MYT1L: variants seen among roughly 807,000 people sequenced by gnomAD.
The protein encoded by MYT1L is myelin transcription factor 1 like, also known as myelin transcription factor 1-like protein.
A neutral mutation model predicts 126.7 loss-of-function variants in MYT1L; 12 were observed. That is an observed-to-expected ratio of 0.09 (90% CI 0.06 to 0.15). The LOEUF (loss-of-function observed/expected upper bound fraction) is 0.15, where lower values mean the gene tolerates loss of function less well. Among genes scored for constraint, MYT1L ranks in the 10% least tolerant of loss-of-function variants. The pLI is 1.00. For synonymous variants in MYT1L, 541 were observed against 604.2 expected, an observed-to-expected ratio of 0.90 and a Z score of 1.53; for missense variants, 979 against 1,585.2, an observed-to-expected ratio of 0.62 and a Z score of 6.49.
intron 19 of MYT1L, among the ~76,000 whole-genome samples, chr2:1,850,599 G>A (rs538982933): frequency 3.3e-5 from 5 of 152,202 alleles, no homozygotes; most frequent in African/African-American, 1.2e-4. Flanking sequence ...GCTCCTCTGG[G>A]TCCTTTACTA....
chr2:2,300,843 A>G (rs927223174), intron 1 of MYT1L, among the ~76,000 whole-genome samples: 1 of 152,180 alleles, frequency 6.6e-6, no homozygotes, highest in Non-Finnish European at 1.5e-5. Flanking sequence ...ACATCAGAGC[A>G]GAGATCAAGA....
chr2:2,143,399 T>A (rs2084344626), intron 3 of MYT1L, among the ~76,000 whole-genome samples: 1 of 151,354 alleles, frequency 6.6e-6, no homozygotes, highest in Non-Finnish European at 1.5e-5. Context: ...GCCGAGGTGG[T>A]CGGTCACTCT....
chr2:2,000,306 C>T (rs982101448), intron 4 of MYT1L, among the ~76,000 whole-genome samples: 6 of 152,138 alleles, frequency 3.9e-5, no homozygotes, highest in Non-Finnish European at 7.3e-5. Flanking sequence ...AAGAACCTAC[C>T]AAAATCCCCC....
chr2:2,087,099 C>T (rs1018506531), intron 3 of MYT1L, among the ~76,000 whole-genome samples: 2 of 152,154 alleles, frequency 1.3e-5, no homozygotes, highest in Non-Finnish European at 2.9e-5. Flanking sequence ...GGATTCCACA[C>T]GTAACTCCCC....
At chr2:1,902,313 G>C (rs2050453154) in intron 14 of MYT1L, among the ~76,000 whole-genome samples, 1 of 152,216 alleles carries the variant, frequency 6.6e-6, no homozygotes, top group Non-Finnish European at 1.5e-5. Context: ...TGTGTTTGTT[G>C]CATGAGCTCT....
At chr2:2,188,913 T>A (rs1302269556) in intron 2 of MYT1L, among the ~76,000 whole-genome samples, 2 of 151,940 alleles carry the variant, frequency 1.3e-5, no homozygotes, top group Non-Finnish European at 2.9e-5. Flanking sequence ...CTAGGATAGA[T>A]GGTTGCTGAA....
At chr2:1,862,925 G>T (rs898688250) in intron 18 of MYT1L, among the ~76,000 whole-genome samples, 1 of 152,090 alleles carries the variant, frequency 6.6e-6, no homozygotes, top group African/African-American at 2.4e-5. Context: ...GAGGAGAGGA[G>T]GAGCTGCTGC....
chr2:2,185,867 C>T (rs1247460697), intron 2 of MYT1L, among the ~76,000 whole-genome samples: 4 of 123,180 alleles, frequency 3.2e-5, no homozygotes, highest in Non-Finnish European at 5.0e-5. Context: ...TCCCAGACGC[C>T]CGCGTTCCTT....
chr2:2,224,820 AAAG>A lies in MYT1L; in HGVS notation c.-420-51835_-420-51833del, dbSNP rs2093967065. ...GGCAACAGAGCAAGACTCCGTCTCAAAAGAAAAAAAAAAAAAGGAAAATAAATG... is the reference window on the plus strand; with the variant it reads ...GGCAACAGAGCAAGACTCCGTCTCAAAAAAAAAAAAAAAGGAAAATAAATG... On this transcript the variant is annotated intron_variant, in intron 2 of 24. Coordinates refer to ENST00000647738, the MANE Select transcript of MYT1L (RefSeq NM_001303052.2). This position sits in a 1 kb window ranked among gnomAD's most constrained non-coding sequence, Gnocchi z 4.0. Among the ~76,000 whole-genome samples, 1 of 71,944 alleles carries A rather than the reference AAAG, an allele frequency of 1.4e-5. No individual in the cohort carries two copies. Among genetic ancestry groups the A allele is most frequent in the East Asian group, 5.0e-4 (1 of 1,992 alleles). 47.2% of individuals were successfully genotyped at this position (71,944 alleles called of 152,430 possible).
chr2:1,851,581 T>C lies in MYT1L; in HGVS notation c.2774+60A>G, dbSNP rs376827066. ...AAGGCTTGGAGCCTGACGTGAGTGA[T>C]ATTCCTGCCATTTCAGTGAGAAAGA... On this transcript the variant is annotated intron_variant, in intron 19 of 24. Transcript: ENST00000647738. 2.3e-4 allele frequency: 351 copies of C among 1,513,560 alleles called. 2 individuals are homozygous for C. In the East Asian group the frequency reaches 5.6e-3, roughly 24 times the overall value. The allele number at this position is 1,513,560 out of a possible 1,614,324, so 93.8% of individuals were successfully genotyped here.
chr2:1,824,744 G>A (rs1026378886), intron 21 of MYT1L: 2 of 151,460 alleles, frequency 1.3e-5, no homozygotes, highest in Non-Finnish European at 2.9e-5. Flanking sequence ...AGAGGAGAGA[G>A]AGGGGGAGGA....
chr2:2,299,715 G>A (rs2095754705), intron 1 of MYT1L, among the ~76,000 whole-genome samples: 1 of 152,180 alleles, frequency 6.6e-6, no homozygotes, highest in South Asian at 2.1e-4. Flanking sequence ...GCTCTGCTTA[G>A]TGCTGACTGA....
chr2:2,298,041 T>C (rs1357206240), intron 1 of MYT1L, among the ~76,000 whole-genome samples: 3 of 152,200 alleles, frequency 2.0e-5, no homozygotes, highest in Non-Finnish European at 4.4e-5. Context: ...AAAATACCCT[T>C]AACTTGCTCA....
chr2:2,230,442 C>G (rs570900452), intron 2 of MYT1L, among the ~76,000 whole-genome samples: 1 of 152,298 alleles, frequency 6.6e-6, no homozygotes, highest in African/African-American at 2.4e-5. Context: ...TTGACCAGCT[C>G]AATTCAGGAT....
chr2:1,803,702 G>A (rs571312890), intron 22 of MYT1L, among the ~76,000 whole-genome samples: 16 of 152,310 alleles, frequency 1.1e-4, no homozygotes, highest in African/African-American at 3.1e-4. Flanking sequence ...GCCCTTTGTG[G>A]GAGCCTGGGA....
At chr2:2,180,598 C>CTG (rs146382891) in intron 2 of MYT1L, among the ~76,000 whole-genome samples, 2,337 of 148,344 alleles carry the variant, frequency 0.016, 20 homozygotes, top group Non-Finnish European at 0.026. Flanking sequence ...ATGTGTGTAC[C>CTG]TGTGTGTGTG....
At chr2:1,970,121 G>A (rs940575180) in intron 8 of MYT1L, among the ~76,000 whole-genome samples, 5 of 152,280 alleles carry the variant, frequency 3.3e-5, no homozygotes, top group South Asian at 2.1e-4. Context: ...CCCTGAAAGC[G>A]CTGTTCTCTT....
chr2:1,925,663 T>C (rs559268775), intron 9 of MYT1L, among the ~76,000 whole-genome samples: 22 of 152,308 alleles, frequency 1.4e-4, no homozygotes, highest in African/African-American at 5.1e-4. Flanking sequence ...CTGAACCGTC[T>C]GGAGACCGGC....
chr2:1,913,257 G>C (rs796562188), intron 11 of MYT1L, among the ~76,000 whole-genome samples: 36 of 152,322 alleles, frequency 2.4e-4, no homozygotes, highest in African/African-American at 8.7e-4. Flanking sequence ...CTTCAGCAGA[G>C]TTTGCTTTGG....
Sources: gnomAD v4.1 joint callset for allele counts (sites outside exome capture counted in the v4.1 genomes callset) on GRCh38, gnomAD v4.1.1 for gene constraint, Gnocchi (gnomAD v3.1) non-coding constraint, MANE v1.5 for transcripts, NCBI Gene and HGNC (gene_info 2026-07-23, HGNC 2026-07-21) for gene names.